EDIL3: variants seen among roughly 807,000 people sequenced by gnomAD.
The protein encoded by EDIL3 is EGF-like repeat and discoidin I-like domain-containing protein 3.
EDIL3 carries 37 observed loss-of-function variants against 67.4 expected under a neutral mutation model. That is an observed-to-expected ratio of 0.55 (90% CI 0.42 to 0.72). The LOEUF (loss-of-function observed/expected upper bound fraction) is 0.72. EDIL3 is among the 30% of genes least tolerant of loss of function. The pLI is 0.00. For missense variants in EDIL3, 527 were observed against 586.3 expected (o/e 0.90, Z 1.04); for synonymous variants, 195 against 196.3 (o/e 0.99, Z 0.05).
At chr5:84,071,544 T>C (rs1299617735) in intron 6 of EDIL3, among the ~76,000 whole-genome samples, 2 of 152,068 alleles carry the variant, frequency 1.3e-5, no homozygotes, top group Admixed American at 1.3e-4. Context: ...AAAAAGATAA[T>C]TGTCTAAATA....
intron 9 of EDIL3, among the ~76,000 whole-genome samples, chr5:84,005,042 C>T (rs555386445): frequency 6.6e-6 from 1 of 152,236 alleles, no homozygotes; most frequent in Non-Finnish European, 1.5e-5. Context: ...TAAGAACCCT[C>T]ATATACTATT....
intron 2 of EDIL3, among the ~76,000 whole-genome samples, chr5:84,245,049 A>G (rs1240755741): frequency 6.6e-6 from 1 of 152,204 alleles, no homozygotes; most frequent in Non-Finnish European, 1.5e-5. Context: ...GCTCTAAAAC[A>G]TGATTTAAGC....
intron 9 of EDIL3, among the ~76,000 whole-genome samples, chr5:84,018,470 A>G (rs867202241): frequency 6.6e-6 from 1 of 152,150 alleles, no homozygotes; most frequent in African/African-American, 2.4e-5. Flanking sequence ...CCAGAGGGAC[A>G]GGAAGAAATT....
At chr5:84,155,928 A>C (rs547534785) in intron 4 of EDIL3, among the ~76,000 whole-genome samples, 1 of 152,310 alleles carries the variant, frequency 6.6e-6, no homozygotes, top group East Asian at 1.9e-4. Context: ...ACACGAATGA[A>C]AGACTAGATT....
chr5:84,023,344 T>G, intron 9 of EDIL3, among the ~76,000 whole-genome samples: 1 of 152,056 alleles, frequency 6.6e-6, no homozygotes, highest in East Asian at 1.9e-4. Flanking sequence ...TAAGAATTAC[T>G]TATGATGTAT....
At chr5:84,219,639 A>G (rs932713754) in intron 3 of EDIL3, among the ~76,000 whole-genome samples, 12 of 152,216 alleles carry the variant, frequency 7.9e-5, no homozygotes, top group Non-Finnish European at 1.8e-4. Flanking sequence ...GGAAATCAGT[A>G]TATCGAAGAG....
At chr5:84,067,599 A>G (rs1274129336) in intron 6 of EDIL3, among the ~76,000 whole-genome samples, 1 of 152,214 alleles carries the variant, frequency 6.6e-6, no homozygotes, top group Non-Finnish European at 1.5e-5. Context: ...TATTTTCCAA[A>G]GAAAATCAGA....
intron 1 of EDIL3, among the ~76,000 whole-genome samples, chr5:84,326,267 T>C (rs1746754779): frequency 6.6e-6 from 1 of 152,020 alleles, no homozygotes; most frequent in South Asian, 2.1e-4. Flanking sequence ...CTTTATAAAT[T>C]ACCTACACTG....
chr5:84,119,219 T>G (rs991422002), intron 5 of EDIL3, among the ~76,000 whole-genome samples: 5 of 145,508 alleles, frequency 3.4e-5, no homozygotes, highest in African/African-American at 7.6e-5. Context: ...TTGGTTTTTT[T>G]TTTTTTTTTT....
intron 1 of EDIL3, among the ~76,000 whole-genome samples, chr5:84,349,141 A>T (rs1230075310): frequency 6.6e-6 from 1 of 152,126 alleles, no homozygotes; most frequent in Non-Finnish European, 1.5e-5. Context: ...AAATTTATAA[A>T]CATGTCTTGC....
At chr5:84,111,657 T>A (rs115314834) in intron 5 of EDIL3, among the ~76,000 whole-genome samples, 2 of 152,162 alleles carry the variant, frequency 1.3e-5, no homozygotes, top group Non-Finnish European at 2.9e-5. Context: ...TGAAGTGGTA[T>A]GTGCTATGAA....
At chr5:83,993,150 A>T (rs941567295) in intron 9 of EDIL3, among the ~76,000 whole-genome samples, 1 of 152,170 alleles carries the variant, frequency 6.6e-6, no homozygotes, top group Non-Finnish European at 1.5e-5. Context: ...ACAAAACCTT[A>T]ATTATTGTAA....
chr5:83,957,957 A>G (rs1580252221), intron 10 of EDIL3, among the ~76,000 whole-genome samples: 2 of 151,656 alleles, frequency 1.3e-5, no homozygotes, highest in East Asian at 2.0e-4. Context: ...TCTGCATCCT[A>G]AGCTACTTAA....
intron 4 of EDIL3, among the ~76,000 whole-genome samples, chr5:84,168,462 C>T (rs1220608261): frequency 6.6e-6 from 1 of 152,054 alleles, no homozygotes; most frequent in Non-Finnish European, 1.5e-5. Context: ...TGAACATATA[C>T]ATTATTTCTC....
intron 8 of EDIL3, among the ~76,000 whole-genome samples, chr5:84,061,458 T>C (rs1024482432): frequency 5.3e-5 from 8 of 152,130 alleles, no homozygotes; most frequent in Non-Finnish European, 1.2e-4. Flanking sequence ...CTGAGTCTTC[T>C]TTATGTGAAA....
chr5:84,180,149 G>A (rs1328843313), intron 4 of EDIL3, among the ~76,000 whole-genome samples: 2 of 151,978 alleles, frequency 1.3e-5, no homozygotes, highest in Non-Finnish European at 2.9e-5. Flanking sequence ...AGGATAGTGG[G>A]GCAATAATAA....
At chr5:84,362,532 G>A (rs1747630774) in intron 1 of EDIL3, among the ~76,000 whole-genome samples, 1 of 152,176 alleles carries the variant, frequency 6.6e-6, no homozygotes, top group African/African-American at 2.4e-5. Flanking sequence ...ATATTAAAAT[G>A]CATATTTTCA....
intron 1 of EDIL3, among the ~76,000 whole-genome samples, chr5:84,334,051 C>T (rs1466557802): frequency 6.7e-6 from 1 of 149,730 alleles, no homozygotes; most frequent in Admixed American, 6.7e-5. Context: ...TACACAGGGG[C>T]CATGTGGAAG....
chr5:84,301,161 G>C (rs941258837), intron 1 of EDIL3, among the ~76,000 whole-genome samples: 2 of 151,954 alleles, frequency 1.3e-5, no homozygotes, highest in Non-Finnish European at 2.9e-5. Flanking sequence ...CCGGCTACTC[G>C]GGAGGCTGAG....
Sources: gnomAD v4.1 joint callset for allele counts (sites outside exome capture counted in the v4.1 genomes callset) on GRCh38, gnomAD v4.1.1 for gene constraint, MANE v1.5 for transcripts, NCBI Gene and HGNC (gene_info 2026-07-23, HGNC 2026-07-21) for gene names.